Variants in NELL1 observed in about 807,000 individuals in gnomAD.
The protein encoded by NELL1 is protein kinase C-binding protein NELL1.
NELL1 carries 76 observed loss-of-function variants against 107.4 expected under a neutral mutation model. That is an observed-to-expected ratio of 0.71 (90% CI 0.59 to 0.86). The LOEUF is 0.86. Among genes scored for constraint, NELL1 ranks in the 40% least tolerant of loss-of-function variants. NELL1 has a pLI of 0.00. For synonymous variants in NELL1, 353 were observed against 341.2 expected (o/e 1.03, Z -0.38); for missense variants, 1,024 against 1,005.5 (o/e 1.02, Z -0.25).
At chr11:21,214,294 G>A (rs1007555590) in intron 13 of NELL1, among the ~76,000 whole-genome samples, 3 of 152,070 alleles carry the variant, frequency 2.0e-5, no homozygotes, top group Non-Finnish European at 2.9e-5. Flanking sequence ...TCAGATTTTC[G>A]ATTTCCAGAT....
intron 15 of NELL1, among the ~76,000 whole-genome samples, chr11:21,443,648 G>A (rs1008355456): frequency 3.3e-5 from 5 of 151,892 alleles, no homozygotes; most frequent in Non-Finnish European, 7.4e-5. Flanking sequence ...AGCACTTTGC[G>A]ATGCTGAGGC....
At chr11:21,070,343 A>G (rs1853980888) in intron 12 of NELL1, among the ~76,000 whole-genome samples, 1 of 152,184 alleles carries the variant, frequency 6.6e-6, no homozygotes, top group South Asian at 2.1e-4. Context: ...TTTTAAAATT[A>G]GTAGACTTGG....
intron 3 of NELL1, among the ~76,000 whole-genome samples, chr11:20,809,932 C>A (rs186465893): frequency 3.3e-5 from 5 of 152,222 alleles, no homozygotes; most frequent in East Asian, 3.9e-4. Flanking sequence ...TTTTGAGGAA[C>A]CTCCATACTG....
intron 5 of NELL1, among the ~76,000 whole-genome samples, chr11:20,903,493 T>A (rs10766743): frequency 1.3e-5 from 2 of 151,812 alleles, no homozygotes; most frequent in South Asian, 2.1e-4. Flanking sequence ...TTTCACAACC[T>A]TCTTATTGGT....
intron 12 of NELL1, among the ~76,000 whole-genome samples, chr11:21,047,702 A>T (rs1239563600): frequency 6.6e-6 from 1 of 152,192 alleles, no homozygotes; most frequent in Non-Finnish European, 1.5e-5. Context: ...TTATGCTAAC[A>T]TATAAAATGG....
At chr11:21,084,683 G>A (rs2133677590) in intron 12 of NELL1, among the ~76,000 whole-genome samples, 1 of 152,280 alleles carries the variant, frequency 6.6e-6, no homozygotes, top group East Asian at 1.9e-4. Flanking sequence ...TATCAGTAGT[G>A]GAATTGCCAG....
intron 13 of NELL1, among the ~76,000 whole-genome samples, chr11:21,178,816 A>G (rs1380395410): frequency 6.6e-6 from 1 of 151,828 alleles, no homozygotes. Context: ...TAAAATTTTA[A>G]AAAAGATTCA....
At chr11:20,968,496 T>C (rs1851429943) in intron 12 of NELL1, among the ~76,000 whole-genome samples, 1 of 152,182 alleles carries the variant, frequency 6.6e-6, no homozygotes, top group African/African-American at 2.4e-5. Context: ...TTCTGCCCAC[T>C]TTTGCTAATA....
chr11:20,986,348 G>A (rs935445067), intron 12 of NELL1, among the ~76,000 whole-genome samples: 2 of 152,208 alleles, frequency 1.3e-5, no homozygotes, highest in Non-Finnish European at 2.9e-5. Flanking sequence ...TCCAGATGTG[G>A]AGTGAAAGGC....
At chr11:21,128,369 G>T (rs1855536534) in intron 13 of NELL1, among the ~76,000 whole-genome samples, 1 of 151,976 alleles carries the variant, frequency 6.6e-6, no homozygotes, top group South Asian at 2.1e-4. Flanking sequence ...CCCCCTTTTG[G>T]CGTTTATTTT....
At chr11:21,209,726 A>G (rs1380448122) in intron 13 of NELL1, among the ~76,000 whole-genome samples, 4 of 152,044 alleles carry the variant, frequency 2.6e-5, no homozygotes, top group Admixed American at 6.6e-5. Flanking sequence ...CTGTGGTCCA[A>G]TGTTTCAAGG....
chr11:20,998,820 G>T (rs1455992795), intron 12 of NELL1, among the ~76,000 whole-genome samples: 2 of 152,044 alleles, frequency 1.3e-5, no homozygotes, highest in Non-Finnish European at 2.9e-5. Context: ...ATAATGCCAG[G>T]GATGATGAAA....
intron 14 of NELL1, among the ~76,000 whole-genome samples, chr11:21,327,295 T>C: frequency 6.6e-6 from 1 of 151,724 alleles, no homozygotes; most frequent in Non-Finnish European, 1.5e-5. Context: ...TGTATACATA[T>C]GTAACTAACC....
At chr11:21,140,147 A>G (rs1161186388) in intron 13 of NELL1, among the ~76,000 whole-genome samples, 4 of 152,168 alleles carry the variant, frequency 2.6e-5, no homozygotes, top group Admixed American at 6.5e-5. Context: ...GCTTAATCAC[A>G]TGCTCCATCC....
intron 15 of NELL1, among the ~76,000 whole-genome samples, chr11:21,492,138 G>GA (rs1239054235): frequency 6.6e-6 from 1 of 152,106 alleles, no homozygotes; most frequent in Non-Finnish European, 1.5e-5. Flanking sequence ...AAAAACACAT[G>GA]AAAAAATGCT....
chr11:21,435,813 T>A (rs1031124149), intron 15 of NELL1, among the ~76,000 whole-genome samples: 1 of 152,088 alleles, frequency 6.6e-6, no homozygotes, highest in Non-Finnish European at 1.5e-5. Flanking sequence ...TGTGTGTATG[T>A]GTGTCCATGT....
rs11026007 is a variant in NELL1 at position 21,298,291 on chromosome 11, A to G, written c.1549+68837A>G. ...ATCAGTAGCTCTGCAAACCTTTTCT[A>G]TTCTTTGTCATGATTCTATCTCAAT... On this transcript the variant is annotated intron_variant, in intron 14 of 19. Coordinates refer to ENST00000357134, the MANE Select transcript of NELL1 (RefSeq NM_006157.5). 4.1e-3 allele frequency among the ~76,000 whole-genome samples: 624 copies of G among 152,030 alleles called. 33 individuals carry two copies. The East Asian group carries it at 0.098, about 24-fold the overall frequency.
intron 4 of NELL1, among the ~76,000 whole-genome samples, chr11:20,880,642 G>A (rs537758159): frequency 2.2e-4 from 34 of 152,124 alleles, no homozygotes; most frequent in Middle Eastern, 3.4e-3. Context: ...TTTTCAGTGC[G>A]GTATATTTTT....
chr11:20,809,015 G>A (rs139549995), intron 3 of NELL1, among the ~76,000 whole-genome samples: 2,663 of 151,830 alleles, frequency 0.018, 30 homozygotes, highest in South Asian at 0.032. Flanking sequence ...TGTGTAGATA[G>A]CTATTAAATT....
Sources: gnomAD v4.1 joint callset for allele counts (sites outside exome capture counted in the v4.1 genomes callset) on GRCh38, gnomAD v4.1.1 for gene constraint, MANE v1.5 for transcripts, NCBI Gene and HGNC (gene_info 2026-07-23, HGNC 2026-07-21) for gene names.